The following STK32B variants were observed in gnomAD, a reference collection of about 807,000 sequenced individuals.
STK32B encodes serine/threonine-protein kinase 32B.
STK32B carries 43 observed loss-of-function variants against 52.6 expected under a neutral mutation model. The ratio of observed to expected loss-of-function variants is 0.82; its 90% CI spans 0.64 to 1.05. STK32B has a LOEUF of 1.05. Among genes scored for constraint, STK32B ranks in the 50% least tolerant of loss-of-function variants. The pLI is 0.00. For missense variants in STK32B, 621 were observed against 534.6 expected (o/e 1.16, Z -1.59); for synonymous variants, 238 against 204.3 (o/e 1.17, Z -1.41).
chr4:5,164,646 G>A (rs1435614646), intron 2 of STK32B, among the ~76,000 whole-genome samples: 1 of 152,192 alleles, frequency 6.6e-6, no homozygotes, highest in Non-Finnish European at 1.5e-5. Context: ...CAGGCTGCTA[G>A]CTTTACACTG....
intron 3 of STK32B, among the ~76,000 whole-genome samples, chr4:5,330,621 CT>C (rs1732173099): frequency 6.6e-6 from 1 of 152,208 alleles, no homozygotes; most frequent in Non-Finnish European, 1.5e-5. Flanking sequence ...GTGGTGCTGG[CT>C]GTCACTGGGA....
At chr4:5,443,909 G>T (rs1715057613) in intron 6 of STK32B, among the ~76,000 whole-genome samples, 1 of 152,240 alleles carries the variant, frequency 6.6e-6, no homozygotes, top group South Asian at 2.1e-4. Flanking sequence ...CAGTCAGGCT[G>T]CTCGGTGGTC....
chr4:5,164,635 G>T (rs1307950968), intron 2 of STK32B, among the ~76,000 whole-genome samples: 1 of 152,182 alleles, frequency 6.6e-6, no homozygotes, highest in Non-Finnish European at 1.5e-5. Context: ...TTTCCAGGTT[G>T]CAGGCTGCTA....
intron 1 of STK32B, among the ~76,000 whole-genome samples, chr4:5,082,982 C>G (rs563303088): frequency 4.6e-5 from 7 of 152,228 alleles, no homozygotes; most frequent in African/African-American, 1.4e-4. Context: ...TTGGTGATTT[C>G]AAAATATTAC....
At chr4:5,137,349 C>T (rs6828139) in intron 1 of STK32B, among the ~76,000 whole-genome samples, 4,521 of 152,304 alleles carry the variant, frequency 0.03, 213 homozygotes, top group African/African-American at 0.1. Context: ...TCCCTAAAGT[C>T]AGACTCCACA....
At chr4:5,314,409 C>T (rs1730523844) in intron 3 of STK32B, among the ~76,000 whole-genome samples, 1 of 152,352 alleles carries the variant, frequency 6.6e-6, no homozygotes, top group Admixed American at 6.5e-5. Context: ...GTGGCTCACG[C>T]CTGTAATCCC....
chr4:5,034,845 G>C, the STK32B span, among the ~76,000 whole-genome samples: 426 of 152,292 alleles, frequency 2.8e-3, 4 homozygotes, highest in African/African-American at 9.8e-3. Context: ...TGGCAGCCTG[G>C]TCATAGAAGT....
chr4:5,330,486 C>T (rs1426932856), intron 3 of STK32B, among the ~76,000 whole-genome samples: 5 of 152,124 alleles, frequency 3.3e-5, no homozygotes, highest in Admixed American at 6.5e-5. Flanking sequence ...AAAACACCAC[C>T]ATTTAATCAT....
chr4:5,026,920 A>G, the STK32B span, among the ~76,000 whole-genome samples: 1 of 152,228 alleles, frequency 6.6e-6, no homozygotes, highest in Non-Finnish European at 1.5e-5. Flanking sequence ...ACTAGACCAC[A>G]CGAAGAGTCT....
chr4:5,414,190 C>A (rs1474599355), intron 5 of STK32B, among the ~76,000 whole-genome samples: 1 of 151,894 alleles, frequency 6.6e-6, no homozygotes, highest in Admixed American at 6.6e-5. Context: ...ACCCTTGGGG[C>A]AGATATGTTT....
chr4:5,232,912 A>T (rs1724372540), intron 3 of STK32B, among the ~76,000 whole-genome samples: 2 of 151,754 alleles, frequency 1.3e-5, no homozygotes, highest in South Asian at 4.2e-4. Context: ...TGAGGCACTT[A>T]TTCCCTAGCT....
chr4:5,352,912 G>A (rs1009947065), intron 4 of STK32B, among the ~76,000 whole-genome samples: 2 of 151,996 alleles, frequency 1.3e-5, no homozygotes, highest in East Asian at 1.9e-4. Flanking sequence ...AAAACAATCC[G>A]AAATTCATAG....
At chr4:5,485,213 C>T (rs959787669) in intron 11 of STK32B, among the ~76,000 whole-genome samples, 1 of 152,254 alleles carries the variant, frequency 6.6e-6, no homozygotes, top group East Asian at 1.9e-4. Context: ...CTCCCCGTCA[C>T]TTTCAGGTAC....
At chr4:5,486,869 A>G (rs1033061642) in intron 11 of STK32B, among the ~76,000 whole-genome samples, 1 of 152,238 alleles carries the variant, frequency 6.6e-6, no homozygotes, top group Admixed American at 6.5e-5. Context: ...AAGAAGGAGA[A>G]ATATTACATA....
intron 3 of STK32B, among the ~76,000 whole-genome samples, chr4:5,282,005 T>G (rs1728231569): frequency 6.6e-6 from 1 of 152,216 alleles, no homozygotes; most frequent in African/African-American, 2.4e-5. Context: ...TACATATGCT[T>G]ATGGGTTATA....
chr4:5,369,472 C>G (rs1735088188), intron 4 of STK32B, among the ~76,000 whole-genome samples: 1 of 152,012 alleles, frequency 6.6e-6, no homozygotes, highest in Non-Finnish European at 1.5e-5. Flanking sequence ...GCTCACTGCC[C>G]AAGAAACCAT....
chr4:5,336,291 A>G (rs1374660876), intron 4 of STK32B, among the ~76,000 whole-genome samples: 1 of 151,854 alleles, frequency 6.6e-6, no homozygotes, highest in Non-Finnish European at 1.5e-5. Context: ...TTGTGCCATC[A>G]AAGGTTTTCC....
chr4:5,246,721 TTGA>T, intron 3 of STK32B, among the ~76,000 whole-genome samples: 1 of 152,346 alleles, frequency 6.6e-6, no homozygotes. Flanking sequence ...CCTTTGGTCT[TTGA>T]TGATGGTGAC....
the STK32B span, among the ~76,000 whole-genome samples, chr4:5,033,913 T>A: frequency 6.6e-6 from 1 of 152,208 alleles, no homozygotes; most frequent in South Asian, 2.1e-4. Flanking sequence ...TGCAAATACA[T>A]GGAAACTCAC....
Sources: allele counts gnomAD v4.1 joint callset (sites outside exome capture counted in the v4.1 genomes callset), GRCh38; gene constraint gnomAD v4.1.1; transcripts MANE v1.5; gene names NCBI Gene and HGNC (gene_info 2026-07-23, HGNC 2026-07-21).